The following DLGAP2 variants were observed in gnomAD, a reference collection of about 807,000 sequenced individuals.
The protein encoded by DLGAP2 is disks large-associated protein 2.
In DLGAP2, 26 loss-of-function variants were observed where a neutral mutation model predicts 100.3. That is an observed-to-expected ratio of 0.26 (90% confidence interval 0.19 to 0.36). DLGAP2 has a LOEUF of 0.36. DLGAP2 is among the 10% of genes least tolerant of loss of function. The pLI, the probability that DLGAP2 is intolerant of heterozygous loss-of-function variation, is 1.00. For synonymous variants in DLGAP2, 886 were observed against 630.1 expected (o/e 1.41, Z -6.08); for missense variants, 1,858 against 1,453.2 (o/e 1.28, Z -4.53).
At chr8:1,441,807 T>A (rs573496773) in intron 3 of DLGAP2, among the ~76,000 whole-genome samples, 2 of 151,854 alleles carry the variant, frequency 1.3e-5, no homozygotes, top group Admixed American at 6.6e-5. Flanking sequence ...TTATTTAATT[T>A]AATTTAATTT....
intron 2 of DLGAP2, among the ~76,000 whole-genome samples, chr8:988,589 G>A (rs938523635): frequency 1.3e-5 from 2 of 152,164 alleles, no homozygotes; most frequent in Non-Finnish European, 2.9e-5. Context: ...TCTGGCCTCA[G>A]CCTCCTCCCT....
chr8:868,608 C>T (rs1797540256), intron 1 of DLGAP2, among the ~76,000 whole-genome samples: 1 of 152,238 alleles, frequency 6.6e-6, no homozygotes, highest in African/African-American at 2.4e-5. Flanking sequence ...AGAAGAGCTG[C>T]AGGTTACGTT....
chr8:815,948 T>C lies in DLGAP2; in HGVS notation c.18+78123T>C, dbSNP rs531342319. 3.3e-3 allele frequency among the ~76,000 whole-genome samples: 497 copies of C among 152,342 alleles called. 1 individual carries two copies. Among genetic ancestry groups the C allele is most frequent in the Admixed American group, 0.019 (283 of 15,292 alleles). On this transcript the variant is annotated intron_variant, in intron 1 of 14. Coordinates refer to ENST00000637795, the MANE Select transcript of DLGAP2 (RefSeq NM_001346810.2). ...TATTTTCCTGTTGGACTAGTCCTTTTTTCAGTGTATAATGCCCATCTTTGT... is the reference window on the plus strand; with the variant it reads ...TATTTTCCTGTTGGACTAGTCCTTTCTTCAGTGTATAATGCCCATCTTTGT...
At chr8:765,998 C>G (rs1189354139) in intron 1 of DLGAP2, among the ~76,000 whole-genome samples, 1 of 152,162 alleles carries the variant, frequency 6.6e-6, no homozygotes, top group Non-Finnish European at 1.5e-5. Context: ...GAAACCCAGT[C>G]TCTACTAAAA....
At chr8:1,614,601 A>C (rs967226713) in intron 6 of DLGAP2, among the ~76,000 whole-genome samples, 1 of 152,220 alleles carries the variant, frequency 6.6e-6, no homozygotes, top group Non-Finnish European at 1.5e-5. Context: ...GAGACCTCCC[A>C]GGCGGAGCCC....
At chr8:1,385,961 T>C (rs1796209992) in intron 3 of DLGAP2, among the ~76,000 whole-genome samples, 1 of 152,258 alleles carries the variant, frequency 6.6e-6, no homozygotes, top group Non-Finnish European at 1.5e-5. Flanking sequence ...ACAGTCCTAA[T>C]ACTGGAATCA....
At chr8:1,577,500 G>A (rs1273313930) in intron 6 of DLGAP2, among the ~76,000 whole-genome samples, 10 of 149,074 alleles carry the variant, frequency 6.7e-5, no homozygotes, top group East Asian at 3.9e-4. Flanking sequence ...CCCGGGAGGC[G>A]GAGGTTGCAG....
chr8:1,670,512 A>C (rs780442688), intron 10 of DLGAP2, among the ~76,000 whole-genome samples: 1 of 152,188 alleles, frequency 6.6e-6, no homozygotes, highest in Admixed American at 6.5e-5. Context: ...GTGAGAGGGA[A>C]CTGCACCCCC....
chr8:1,508,056 C>G (rs933970765), intron 4 of DLGAP2, among the ~76,000 whole-genome samples: 1 of 151,920 alleles, frequency 6.6e-6, no homozygotes, highest in Admixed American at 6.5e-5. Context: ...GAAAGCTCAC[C>G]AGGGCACACT....
chr8:1,256,961 CA>C (rs1377008850), intron 2 of DLGAP2, among the ~76,000 whole-genome samples: 2 of 151,996 alleles, frequency 1.3e-5, no homozygotes, highest in Admixed American at 6.5e-5. Flanking sequence ...TCCTTTCACA[CA>C]GAGCAGTGTG....
chr8:891,027 C>G (rs1202155154), intron 1 of DLGAP2, among the ~76,000 whole-genome samples: 6 of 152,174 alleles, frequency 3.9e-5, no homozygotes, highest in Non-Finnish European at 7.3e-5. Context: ...GATTCCCTCC[C>G]CTCATCCCTT....
At chr8:810,707 G>T (rs2132669985) in intron 1 of DLGAP2, among the ~76,000 whole-genome samples, 1 of 152,322 alleles carries the variant, frequency 6.6e-6, no homozygotes, top group African/African-American at 2.4e-5. Context: ...ACTGAGAACA[G>T]AGGAGGAAGA....
chr8:1,647,977 C>A (rs1358631724), intron 8 of DLGAP2, among the ~76,000 whole-genome samples: 1 of 152,134 alleles, frequency 6.6e-6, no homozygotes, highest in Non-Finnish European at 1.5e-5. Flanking sequence ...CCCAGACAAT[C>A]CACAAACCCA....
At chr8:1,696,165 C>T (rs1297199081) in intron 13 of DLGAP2, among the ~76,000 whole-genome samples, 1 of 152,326 alleles carries the variant, frequency 6.6e-6, no homozygotes, top group South Asian at 2.1e-4. Context: ...TAAATCCCCA[C>T]TGAATCAAGG....
intron 3 of DLGAP2, among the ~76,000 whole-genome samples, chr8:1,345,384 C>G (rs1050341907): frequency 6.6e-6 from 1 of 152,248 alleles, no homozygotes; most frequent in Non-Finnish European, 1.5e-5. Context: ...AATAAGTACA[C>G]TGCATGTAGT....
chr8:1,337,954 G>T (rs913333397), intron 3 of DLGAP2, among the ~76,000 whole-genome samples: 1 of 152,180 alleles, frequency 6.6e-6, no homozygotes, highest in Non-Finnish European at 1.5e-5. Context: ...ATCATGAGTC[G>T]TTACAAAAAT....
chr8:1,279,386 G>A (rs557308596), intron 3 of DLGAP2, among the ~76,000 whole-genome samples: 7 of 152,314 alleles, frequency 4.6e-5, no homozygotes, highest in Admixed American at 1.3e-4. Context: ...TAAATATGAT[G>A]TCTGTCTTAA....
rs1033445975 is a variant in DLGAP2, at chr8:867,880, G to C, written c.19-40032G>C. Among the ~76,000 whole-genome samples, 32 of 152,328 alleles carry C rather than the reference G, an allele frequency of 2.1e-4. 1 individual carries two copies. The highest frequency in any genetic ancestry group is 1.8e-3 in the Admixed American group (27 of 15,310). On this transcript the variant is annotated intron_variant, in intron 1 of 14. Coordinates refer to ENST00000637795, the MANE Select transcript of DLGAP2 (RefSeq NM_001346810.2). ...TTAGTTTTCCACGTAACGCATTTAT[G>C]ACAAACATATTTGCTCAACTTTCTG...
At chr8:1,090,650 C>T (rs1388737200) in intron 2 of DLGAP2, among the ~76,000 whole-genome samples, 1 of 152,188 alleles carries the variant, frequency 6.6e-6, no homozygotes, top group Non-Finnish European at 1.5e-5. Context: ...TGAGGGGCCT[C>T]CAGAGGCTGC....
Sources: gnomAD v4.1 joint callset for allele counts (sites outside exome capture counted in the v4.1 genomes callset) on GRCh38, gnomAD v4.1.1 for gene constraint, MANE v1.5 for transcripts, NCBI Gene and HGNC (gene_info 2026-07-23, HGNC 2026-07-21) for gene names.